Variants in PRICKLE2 observed in about 807,000 individuals in gnomAD.
PRICKLE2 encodes prickle-like protein 2.
In PRICKLE2, 21 loss-of-function variants were observed where a neutral mutation model predicts 81.4. That is an observed-to-expected ratio of 0.26 (90% CI 0.18 to 0.37). PRICKLE2 has a LOEUF of 0.37. Ranked by LOEUF, PRICKLE2 falls within the 10% of genes least tolerant of loss-of-function variation. The pLI is 1.00. For missense variants in PRICKLE2, 940 were observed against 1,109.0 expected, an observed-to-expected ratio of 0.85 and a Z score of 2.16; for synonymous variants, 456 against 421.5, an observed-to-expected ratio of 1.08 and a Z score of -1.00.
chr3:64,155,289 A>G (rs1246793374), intron 5 of PRICKLE2, among the ~76,000 whole-genome samples: 1 of 151,994 alleles, frequency 6.6e-6, no homozygotes, highest in Non-Finnish European at 1.5e-5. Context: ...AAGATGCTCA[A>G]CATTATTAGC....
intron 7 of PRICKLE2, among the ~76,000 whole-genome samples, chr3:64,110,789 G>C (rs2076831968): frequency 6.6e-6 from 1 of 152,006 alleles, no homozygotes; most frequent in South Asian, 2.1e-4. Context: ...GCAGGAATGA[G>C]GCTCAGAAGG....
At position 64,157,354 on chromosome 3, in the gene PRICKLE2, C is replaced by G; in HGVS notation, c.408G>C (p.Gln136His). 1.2e-6 allele frequency: 2 copies of G among 1,613,156 alleles called. No homozygotes were observed. The highest frequency in any genetic ancestry group is 1.7e-6 in the Non-Finnish European group (2 of 1,180,030). Residue 136 changes from glutamine (Q) to histidine (H), a missense_variant, in exon 5 of 8, where the codon CAG becomes CAC. Around this residue, in one of 2 missense-constraint regions of PRICKLE2, gnomAD observed 270 missense variants for 391.8 expected, o/e 0.69. Transcript: ENST00000638394. ...ACACAGCGATGTCTCCACCATTGAT[C>G]TGGCCTCCGCACTGTGAGGCAAACA... is the stretch of plus-strand genomic sequence containing the variant. ...TGAICEQCGG[Q>H]INGGDIAVFA...
At chr3:64,185,695 AGGAAGCC>A (rs1179076493) in intron 2 of PRICKLE2, among the ~76,000 whole-genome samples, 2 of 152,218 alleles carry the variant, frequency 1.3e-5, no homozygotes, top group Non-Finnish European at 2.9e-5. Flanking sequence ...ATGAAACCTT[AGGAAGCC>A]TCCACCATTG....
intron 7 of PRICKLE2, among the ~76,000 whole-genome samples, chr3:64,105,311 T>C (rs1222952628): frequency 6.6e-6 from 1 of 152,214 alleles, no homozygotes; most frequent in Non-Finnish European, 1.5e-5. Flanking sequence ...ATTAAGGTCA[T>C]ATGTAAGTTT....
intron 6 of PRICKLE2, among the ~76,000 whole-genome samples, chr3:64,148,425 C>T (rs1222018049): frequency 6.6e-6 from 1 of 152,198 alleles, no homozygotes; most frequent in East Asian, 1.9e-4. Context: ...TCTATGAGGA[C>T]AGACTCATTG....
intron 5 of PRICKLE2, among the ~76,000 whole-genome samples, chr3:64,156,793 C>T (rs939106630): frequency 5.3e-5 from 8 of 152,156 alleles, no homozygotes; most frequent in African/African-American, 1.7e-4. Flanking sequence ...ATATAAGTGG[C>T]ACTCCATTAC....
intron 4 of PRICKLE2, among the ~76,000 whole-genome samples, chr3:64,158,734 C>T (rs1412634389): frequency 6.6e-6 from 1 of 152,144 alleles, no homozygotes; most frequent in African/African-American, 2.4e-5. Flanking sequence ...ACCACCTGTA[C>T]CTTAAGGGTG....
intron 2 of PRICKLE2, among the ~76,000 whole-genome samples, chr3:64,248,483 C>T (rs1339339074): frequency 6.6e-6 from 1 of 152,104 alleles, no homozygotes; most frequent in Non-Finnish European, 1.5e-5. Flanking sequence ...AAGTCCACCT[C>T]TTAAACCAAA....
intron 1 of PRICKLE2, among the ~76,000 whole-genome samples, chr3:64,206,805 G>C (rs1305667447): frequency 6.6e-6 from 1 of 152,204 alleles, no homozygotes; most frequent in East Asian, 1.9e-4. Flanking sequence ...TTTAAAACAA[G>C]GGCTAAAATA....
At chr3:64,197,640 C>T (rs979652149) in intron 2 of PRICKLE2, among the ~76,000 whole-genome samples, 1 of 152,020 alleles carries the variant, frequency 6.6e-6, no homozygotes, top group Non-Finnish European at 1.5e-5. Flanking sequence ...GCAGTGGGAG[C>T]TAAATGATGA....
chr3:64,133,574 T>G (rs2077230848), intron 7 of PRICKLE2, among the ~76,000 whole-genome samples: 1 of 151,922 alleles, frequency 6.6e-6, no homozygotes, highest in Admixed American at 6.6e-5. Flanking sequence ...TCTGTGAAGT[T>G]AATTGATACT....
chr3:64,155,773 T>G (rs2077626395), intron 5 of PRICKLE2, among the ~76,000 whole-genome samples: 1 of 152,166 alleles, frequency 6.6e-6, no homozygotes, highest in Non-Finnish European at 1.5e-5. Flanking sequence ...AAACCAGACT[T>G]GAAAGGTCAC....
intron 2 of PRICKLE2, among the ~76,000 whole-genome samples, chr3:64,263,814 T>G (rs1328818143): frequency 6.6e-6 from 1 of 152,112 alleles, no homozygotes; most frequent in Admixed American, 6.5e-5. Context: ...GTCATCTTGG[T>G]TCAGAACTTA....
At chr3:64,115,017 T>TAA in intron 7 of PRICKLE2, among the ~76,000 whole-genome samples, 1 of 152,332 alleles carries the variant, frequency 6.6e-6, no homozygotes, top group South Asian at 2.1e-4. Flanking sequence ...TGAAACCCTG[T>TAA]AAGCCAGAAA....
intron 1 of PRICKLE2, among the ~76,000 whole-genome samples, chr3:64,217,054 G>A (rs187406225): frequency 1.3e-3 from 196 of 152,220 alleles, no homozygotes; most frequent in Non-Finnish European, 2.1e-3. Context: ...TGTAGCTGAG[G>A]GCTATGCAGT....
intron 1 of PRICKLE2, among the ~76,000 whole-genome samples, chr3:64,220,946 C>G (rs191456031): frequency 9.1e-4 from 138 of 152,224 alleles, no homozygotes; most frequent in Admixed American, 1.8e-3. Flanking sequence ...TAGAAATGGT[C>G]CATGGTGCTC....
At chr3:64,109,177 T>G (rs1339509548) in intron 7 of PRICKLE2, among the ~76,000 whole-genome samples, 1 of 152,094 alleles carries the variant, frequency 6.6e-6, no homozygotes, top group Non-Finnish European at 1.5e-5. Flanking sequence ...GCTCCTTCTT[T>G]CTAGAGAAGG....
At chr3:64,222,507 G>C (rs1018624502) in intron 1 of PRICKLE2, among the ~76,000 whole-genome samples, 2 of 152,170 alleles carry the variant, frequency 1.3e-5, no homozygotes, top group Non-Finnish European at 2.9e-5. Flanking sequence ...ACAGAAGTAG[G>C]CCCACCGGCA....
At chr3:64,249,421 G>A in intron 2 of PRICKLE2, among the ~76,000 whole-genome samples, 1 of 152,164 alleles carries the variant, frequency 6.6e-6, no homozygotes, top group Non-Finnish European at 1.5e-5. Context: ...TGGGGACACA[G>A]AGCCAAACCA....
Sources: allele counts gnomAD v4.1 joint callset (sites outside exome capture counted in the v4.1 genomes callset), GRCh38; gene constraint gnomAD v4.1.1; regional missense constraint gnomAD v4.1.1; transcripts MANE v1.5; gene names NCBI Gene and HGNC (gene_info 2026-07-23, HGNC 2026-07-21).